Variants in ABCA6 observed in about 807,000 individuals in gnomAD.
The protein encoded by ABCA6 is ATP-binding cassette sub-family A member 6.
ABCA6 carries 164 observed loss-of-function variants against 191.2 expected under a neutral mutation model. The ratio of observed to expected loss-of-function variants is 0.86; its 90% CI spans 0.76 to 0.98. The LOEUF (loss-of-function observed/expected upper bound fraction) is 0.98, where lower values mean the gene tolerates loss of function less well. Among genes scored for constraint, ABCA6 ranks in the 50% least tolerant of loss-of-function variants. The pLI is 0.00. For synonymous variants in ABCA6, 636 were observed against 647.7 expected (o/e 0.98, Z 0.27); for missense variants, 1,958 against 1,894.1 (o/e 1.03, Z -0.63).
chr17:69,083,074 C>T, intron 35 of ABCA6, 61 bp from the exon 36 acceptor site: 1 of 1,595,254 alleles, frequency 6.3e-7, no homozygotes, highest in South Asian at 1.1e-5. Flanking sequence ...TAATGTTATT[C>T]TTAAATTTCA....
intron 8 of ABCA6, among the ~76,000 whole-genome samples, chr17:69,127,169 T>G (rs62082733): frequency 0.098 from 14,862 of 152,270 alleles, 942 homozygotes; most frequent in Middle Eastern, 0.15. Context: ...TATCTTAATG[T>G]AAAAGCTGAA....
At chr17:69,102,203 G>T (rs995808781) in intron 21 of ABCA6, among the ~76,000 whole-genome samples, 6 of 152,094 alleles carry the variant, frequency 3.9e-5, no homozygotes, top group African/African-American at 1.4e-4. Flanking sequence ...AAAATTAGCT[G>T]GGCATGGTGG....
At chr17:69,109,944 T>A (rs1034720786) in intron 17 of ABCA6, 1 of 152,172 alleles carries the variant, frequency 6.6e-6, no homozygotes, top group African/African-American at 2.4e-5. Context: ...AATCTTATGC[T>A]GATGCTAAGA....
chr17:69,098,135 T>G (rs943040315), intron 22 of ABCA6, 108 bp from the exon 23 acceptor site: 42 of 706,992 alleles, frequency 5.9e-5, no homozygotes, highest in Admixed American at 1.1e-4. Context: ...AAAGTAAAGG[T>G]GTAGCTCATT....
Position 69,114,806 on chromosome 17 carries a change from A to G in ABCA6, c.1738T>C (p.Phe580Leu). Residue 580 changes from phenylalanine (F) to leucine (L), a missense_variant, in exon 13 of 39, where the codon TTT (phenylalanine) becomes CTT (leucine). By Grantham distance (22) the Phe-to-Leu change is conservative (BLOSUM62 0). Transcript: ENST00000284425. Reference sequence around the variant, plus strand: ...AGATGAATCCCTTTTATTTTAGCAAACAGGCTGAGGTTTTCCTTCACGGTG... The same window carrying G: ...AGATGAATCCCTTTTATTTTAGCAAGCAGGCTGAGGTTTTCCTTCACGGTG... Reference protein sequence around the residue: ...ILTVKENLSLFAKIKGIHLKE... With the variant: ...ILTVKENLSLLAKIKGIHLKE... 3.1e-6 allele frequency: 5 copies of G among 1,612,296 alleles called. No individual in the cohort carries two copies. In the South Asian group the frequency reaches 4.4e-5, roughly 14 times the overall value.
intron 20 of ABCA6, chr17:69,104,004 C>A (rs1341961299): frequency 7.1e-6 from 1 of 140,300 alleles, no homozygotes; most frequent in African/African-American, 2.7e-5. Context: ...GATCCCCCAA[C>A]CAAGTGATAC....
At chr17:69,130,316 CAA>C (rs374056337) in intron 6 of ABCA6, among the ~76,000 whole-genome samples, 9 of 130,856 alleles carry the variant, frequency 6.9e-5, no homozygotes, top group Non-Finnish European at 8.2e-5. Context: ...GACTCCATCT[CAA>C]AAAAAAAAAA....
chr17:69,100,817 C>T lies in ABCA6; in HGVS notation c.2992G>A (p.Glu998Lys), dbSNP rs747530521. 1.2e-5 allele frequency: 19 copies of T among 1,609,944 alleles called. No individual in the cohort carries two copies. The highest frequency in any genetic ancestry group is 1.6e-5 in the Non-Finnish European group (19 of 1,178,560). The change falls in exon 22 of 39, where the codon GAG becomes AAG. Residue 998 changes from glutamate to lysine, a missense_variant. Physicochemically the swap from Glu to Lys is moderately conservative, Grantham distance 56. Transcript: ENST00000284425. Reference protein sequence around the residue: ...MFNHTQHIRIESSPFPLSHIG... With the variant: ...MFNHTQHIRIKSSPFPLSHIG... Reference sequence around the variant, plus strand: ...CTTACAAGAGGAAATGGGCTTGACTCAATTCGAATATGTTGTGTGTGATTA... The same window carrying T: ...CTTACAAGAGGAAATGGGCTTGACTTAATTCGAATATGTTGTGTGTGATTA...
In ABCA6 at chr17:69,100,871, T is replaced by TCCA; in HGVS notation, c.2937_2938insTGG (p.Asn979_Ile980insTrp). ...ATTTGAAGTAGCCCATTGCTGATAA[T>TCCA]ATTCATAAGAATTGGAAAACAGTGC... On this transcript the variant is annotated inframe_insertion, in exon 22 of 39. Coordinates refer to ENST00000284425, the MANE Select transcript of ABCA6 (RefSeq NM_080284.3). 1 of 1,611,990 alleles carries TCCA rather than the reference T, an allele frequency of 6.2e-7. No individual in the cohort carries two copies. Among genetic ancestry groups the TCCA allele is most frequent in the Non-Finnish European group, 8.5e-7 (1 of 1,178,714 alleles).
chr17:69,140,653 G>T lies in ABCA6; in HGVS notation c.51C>A (p.Cys17Ter). ...SVYQQTKALL[C>*]KNFLKKWRMK... Reference sequence around the variant, plus strand: ...TCCTCCATTTCTTAAGAAAATTCTTGCACAGAAGTGCTTTGGTTTGCTGAT... The same window carrying T: ...TCCTCCATTTCTTAAGAAAATTCTTTCACAGAAGTGCTTTGGTTTGCTGAT... The change falls in exon 2 of 39, where the codon TGC (cysteine) becomes TGA (stop). Residue 17 changes from cysteine to a stop codon, truncating the protein, a stop_gained. Transcript: ENST00000284425. LOFTEE classifies it high-confidence loss of function. The T allele has an allele frequency of 6.3e-7, 1 of 1,599,560 alleles. No homozygotes were observed. Among genetic ancestry groups the T allele is most frequent in the Non-Finnish European group, 8.5e-7 (1 of 1,173,558 alleles).
intron 22 of ABCA6, among the ~76,000 whole-genome samples, chr17:69,100,235 C>T (rs903534462): frequency 6.6e-6 from 1 of 152,174 alleles, no homozygotes; most frequent in African/African-American, 2.4e-5. Flanking sequence ...CCCACCACTG[C>T]TTTCTAGTGT....
intron 10 of ABCA6, among the ~76,000 whole-genome samples, chr17:69,122,507 ATCTTGTTTCATAGAAGACACTGAGAC>A (rs1340358105): frequency 6.6e-6 from 1 of 152,062 alleles, no homozygotes; most frequent in Non-Finnish European, 1.5e-5. Flanking sequence ...GTCAATATTA[ATCTTGTTTCATAGAAGACACTGAGAC>A]TCATAAAATT....
chr17:69,134,227 C>G (rs1451105788), intron 5 of ABCA6, among the ~76,000 whole-genome samples: 1 of 152,132 alleles, frequency 6.6e-6, no homozygotes, highest in Non-Finnish European at 1.5e-5. Context: ...AGTGGCCCCT[C>G]CTAAATTCTT....
At chr17:69,092,120 G>A (rs1156431966) in intron 25 of ABCA6, among the ~76,000 whole-genome samples, 1 of 151,930 alleles carries the variant, frequency 6.6e-6, no homozygotes, top group Non-Finnish European at 1.5e-5. Flanking sequence ...TTTTTTTACT[G>A]GCAAATGGGA....
intron 19 of ABCA6, 178 bp from the exon 20 acceptor site, chr17:69,105,806 A>C (rs538226814): frequency 4.2e-6 from 3 of 709,122 alleles, no homozygotes; most frequent in Non-Finnish European, 6.8e-6. Context: ...ATTACTATAT[A>C]AACACCAGGT....
At chr17:69,129,902 C>G in intron 6 of ABCA6, 151 bp from the exon 7 acceptor site, 1 of 578,068 alleles carries the variant, frequency 1.7e-6, no homozygotes, top group Non-Finnish European at 2.9e-6. Context: ...AAGCTCATTG[C>G]ATATCCTTTT....
intron 2 of ABCA6, among the ~76,000 whole-genome samples, chr17:69,139,876 T>TCATAGATGGCAATTCTCACTCATAGATGG (rs2074002225): frequency 6.9e-6 from 1 of 144,388 alleles, no homozygotes; most frequent in Non-Finnish European, 1.5e-5. Context: ...ATGTTCTCAC[T>TCATAGATGGCAATTCTCACTCATAGATGG]CATAGATGGC....
chr17:69,097,390 CAAA>C (rs11365217), intron 23 of ABCA6, among the ~76,000 whole-genome samples: 7 of 78,096 alleles, frequency 9.0e-5, no homozygotes, highest in Admixed American at 1.6e-4. Context: ...GACTCCATCT[CAAA>C]AAAAAAAAAA....
chr17:69,083,245 T>G lies in ABCA6; in HGVS notation c.4442A>C (p.Asp1481Ala). ...TCCAGACACCATGATGGCCACACGG[T>G]CACACAAGGCTTCCGCCTCAGCCAG... ...HNLAEAEALC[D>A]RVAIMVSGRL... The change falls in exon 35 of 39, where the codon GAC (aspartate) becomes GCC (alanine). Residue 1481 changes from aspartate (D) to alanine (A), a missense_variant. Physicochemically the swap from Asp to Ala is moderately radical, Grantham distance 126. Transcript: ENST00000284425. 1 of 1,608,696 alleles carries G rather than the reference T, an allele frequency of 6.2e-7. No individual in the cohort carries two copies. The highest frequency in any genetic ancestry group is 1.1e-5 in the South Asian group (1 of 89,986).
Sources: gnomAD v4.1 joint callset for allele counts (sites outside exome capture counted in the v4.1 genomes callset) on GRCh38, gnomAD v4.1.1 for gene constraint, MANE v1.5 for transcripts, NCBI Gene and HGNC (gene_info 2026-07-23, HGNC 2026-07-21) for gene names.